Variants in RNF157 observed in about 807,000 individuals in gnomAD.
RNF157 encodes the protein E3 ubiquitin ligase RNF157.
Under a neutral mutation model 88.3 loss-of-function variants are expected in RNF157, and 55 were observed. The ratio of observed to expected loss-of-function variants is 0.62; its 90% CI spans 0.50 to 0.78. The LOEUF (loss-of-function observed/expected upper bound fraction) is 0.78, where lower values mean the gene tolerates loss of function less well. Among genes scored for constraint, RNF157 ranks in the 30% least tolerant of loss-of-function variants. The probability of loss-of-function intolerance (pLI) is 0.00; values close to 1 mark genes in which losing one functional copy is unlikely to be tolerated. For missense variants in RNF157, 788 were observed against 860.8 expected (o/e 0.92, Z 1.06); for synonymous variants, 334 against 341.2 (o/e 0.98, Z 0.23).
chr17:76,173,372 C>T (rs1231207995), intron 3 of RNF157, among the ~76,000 whole-genome samples: 2 of 152,098 alleles, frequency 1.3e-5, no homozygotes, highest in Admixed American at 6.5e-5. Context: ...TTTACATTGG[C>T]TTGTTGGAGT....
Position 76,240,035 on chromosome 17 carries a change from G to A in RNF157, c.88+118C>T. On this transcript the variant is annotated intron_variant, in intron 1 of 18. Coordinates refer to ENST00000269391, the MANE Select transcript of RNF157 (RefSeq NM_052916.3). The surrounding 1 kb of genome is among the most constrained non-coding windows in gnomAD (Gnocchi z 4.4). Reference sequence around the variant, plus strand: ...CCTCCCGCGCTCGAAGACCGTTTCGGAGCGTCCGCAACCACTGAGTCCCCG... The same window carrying A: ...CCTCCCGCGCTCGAAGACCGTTTCGAAGCGTCCGCAACCACTGAGTCCCCG... The A allele has an allele frequency of 2.4e-6, 1 of 421,258 alleles. No homozygotes were observed. The allele number at this position is 421,258 out of a possible 1,614,324, so 26.1% of individuals were successfully genotyped here.
intron 2 of RNF157, among the ~76,000 whole-genome samples, chr17:76,174,598 AC>A (rs1414404422): frequency 1.3e-5 from 2 of 152,218 alleles, no homozygotes; most frequent in African/African-American, 2.4e-5. Context: ...TTCCCAAAAA[AC>A]CTACTGGTCT....
intron 4 of RNF157, 112 bp downstream of exon 4, chr17:76,167,539 G>A (rs1237189125): frequency 7.5e-6 from 11 of 1,471,456 alleles, no homozygotes; most frequent in South Asian, 1.3e-5. Context: ...TATCTGGGAA[G>A]GAAGTGGCTC....
chr17:76,235,076 A>C lies in RNF157; in HGVS notation c.88+5077T>G, dbSNP rs80158254. ...CTGTGGCATTATAGTAATTATATGC[A>C]TAGTAACTTTTAAAATAGGGTAGCG... On this transcript the variant is annotated intron_variant, in intron 1 of 18. Transcript: ENST00000269391. 5.3e-3 allele frequency among the ~76,000 whole-genome samples: 815 copies of C among 152,348 alleles called. 3 individuals carry two copies. Among genetic ancestry groups the C allele is most frequent in the Admixed American group, 8.8e-3 (134 of 15,296 alleles).
chr17:76,143,107 A>C lies in RNF157; in HGVS notation c.*2128T>G, dbSNP rs2068538067. The C allele has an allele frequency of 6.6e-6, 1 of 152,512 alleles. No individual in the cohort carries two copies. The highest frequency in any genetic ancestry group is 2.4e-5 in the African/African-American group (1 of 41,474). 9.4% of individuals were successfully genotyped at this position (152,512 alleles called of 1,614,324 possible). ...AGAGAGCTAAATGACAGCCAAGAGA[A>C]GGCAGGGGGAGGGAGGAAGAGGAGA... On this transcript the variant is annotated 3_prime_UTR_variant, in exon 19 of 19. Coordinates refer to ENST00000269391, the MANE Select transcript of RNF157 (RefSeq NM_052916.3).
chr17:76,185,840 C>A (rs1598413010), intron 2 of RNF157, among the ~76,000 whole-genome samples: 1 of 152,142 alleles, frequency 6.6e-6, no homozygotes, highest in African/African-American at 2.4e-5. Flanking sequence ...TCAGGAGATT[C>A]ATAAACCAGC....
chr17:76,229,646 A>T (rs567104085), intron 1 of RNF157, among the ~76,000 whole-genome samples: 31 of 152,304 alleles, frequency 2.0e-4, no homozygotes, highest in African/African-American at 7.5e-4. Context: ...AGGAGGAGGA[A>T]TCAAGGGCAC....
chr17:76,217,233 C>T (rs944255348), intron 1 of RNF157, among the ~76,000 whole-genome samples: 2 of 152,094 alleles, frequency 1.3e-5, no homozygotes, highest in African/African-American at 2.4e-5. Context: ...TGGTCTCAAA[C>T]TCCTGGGTCA....
chr17:76,181,606 C>G (rs1482874983), intron 2 of RNF157, among the ~76,000 whole-genome samples: 1 of 152,070 alleles, frequency 6.6e-6, no homozygotes, highest in Admixed American at 6.6e-5. Flanking sequence ...GCGACTTCTT[C>G]ACTAAATTGT....
At chr17:76,187,324 C>T (rs1003233581) in intron 2 of RNF157, among the ~76,000 whole-genome samples, 2 of 151,870 alleles carry the variant, frequency 1.3e-5, no homozygotes, top group African/African-American at 2.4e-5. Flanking sequence ...GCTGGGATTA[C>T]AGGTGCATGA....
rs73996170 is a variant in RNF157 at position 76,193,651 on chromosome 17, G to A, written c.207+18713C>T. ...AATGGAAGACACTGTCTAAGGTAAC[G>A]TGAGAGTTAAGCACGTTCTCCTTTT... On this transcript the variant is annotated intron_variant, in intron 2 of 18. Transcript: ENST00000269391. 8.5e-3 allele frequency among the ~76,000 whole-genome samples: 1,286 copies of A among 152,074 alleles called. 25 individuals carry two copies. Among genetic ancestry groups the A allele is most frequent in the African/African-American group, 0.029 (1,184 of 41,510 alleles).
intron 2 of RNF157, among the ~76,000 whole-genome samples, chr17:76,200,680 A>T (rs1317624588): frequency 6.6e-6 from 1 of 152,160 alleles, no homozygotes; most frequent in Non-Finnish European, 1.5e-5. Flanking sequence ...CCCCTGGGGA[A>T]GGCGTGGAAG....
At chr17:76,154,108 A>C in intron 17 of RNF157, 175 bp downstream of exon 17, 1 of 643,596 alleles carries the variant, frequency 1.6e-6, no homozygotes. Flanking sequence ...GGTCATAGAG[A>C]TCATCAATGC....
chr17:76,150,473 T>C (rs1364484334), intron 18 of RNF157, among the ~76,000 whole-genome samples: 6 of 152,154 alleles, frequency 3.9e-5, no homozygotes, highest in Non-Finnish European at 8.8e-5. Context: ...CACTGTTGGC[T>C]AAAACAACTC....
At chr17:76,155,502 T>C (rs2068748754) in intron 15 of RNF157, 60 bp downstream of exon 15, 1 of 1,579,266 alleles carries the variant, frequency 6.3e-7, no homozygotes. Context: ...TTGGTTATGC[T>C]ACTTTGGACA....
At chr17:76,171,312 C>T (rs1010981911) in intron 3 of RNF157, among the ~76,000 whole-genome samples, 5 of 152,208 alleles carry the variant, frequency 3.3e-5, no homozygotes, top group African/African-American at 9.6e-5. Context: ...CTTCAGCCTC[C>T]GGAGCAGCTA....
rs139699038 is a variant in RNF157 at position 76,167,765 on chromosome 17, T to C, written c.329A>G (p.Glu110Gly). Residue 110 changes from glutamate (E) to glycine (G), a missense_variant, in exon 4 of 19, where the codon GAG becomes GGG. By Grantham distance (98) the Glu-to-Gly change is moderately conservative. Transcript: ENST00000269391. ...GTAGTGGACTTTAGCTTTACTGGCC[T>C]CTTCTCCAGGGCTCTTCACTTCCTC... ...CAEEVKSPGE[E>G]ASKAKVHYNV... 4.3e-6 allele frequency: 7 copies of C among 1,614,064 alleles called. No individual in the cohort carries two copies. In the African/African-American group the frequency reaches 8.0e-5, roughly 18 times the overall value.
intron 1 of RNF157, among the ~76,000 whole-genome samples, chr17:76,217,677 C>T (rs546061190): frequency 1.8e-4 from 28 of 152,240 alleles, no homozygotes; most frequent in South Asian, 1.2e-3. Flanking sequence ...TACTTCTTTG[C>T]CTATTTGTTA....
At position 76,180,397 on chromosome 17, in the gene RNF157, A is replaced by G. The variant is rs75101071; in HGVS notation, c.208-6607T>C. On this transcript the variant is annotated intron_variant, in intron 2 of 18. Transcript: ENST00000269391. The stretch of plus-strand genomic sequence containing the variant: ...ATCCCCCTAATCTATTCATCTAACC[A>G]GAAAACTCTGCCAAAAGAAAGCCCC... Among the ~76,000 whole-genome samples the G allele has an allele frequency of 1.3e-3, 204 of 152,346 alleles. 1 individual carries two copies. Among genetic ancestry groups the G allele is most frequent in the African/African-American group, 4.9e-3 (202 of 41,580 alleles).
Sources: allele counts gnomAD v4.1 joint callset (sites outside exome capture counted in the v4.1 genomes callset), GRCh38; gene constraint gnomAD v4.1.1; non-coding constraint Gnocchi (gnomAD v3.1); transcripts MANE v1.5; gene names NCBI Gene and HGNC (gene_info 2026-07-23, HGNC 2026-07-21).